The following SNX29 variants were observed in gnomAD, a reference collection of about 807,000 sequenced individuals.
SNX29 encodes the protein sorting nexin 29.
SNX29 carries 78 observed loss-of-function variants against 102.1 expected under a neutral mutation model. That is an observed-to-expected ratio of 0.76 (90% CI 0.64 to 0.92). The LOEUF is 0.92. Among genes scored for constraint, SNX29 ranks in the 40% least tolerant of loss-of-function variants. The pLI is 0.00. For synonymous variants in SNX29, 580 were observed against 414.5 expected (o/e 1.40, Z -4.85); for missense variants, 1,280 against 1,061.7 (o/e 1.21, Z -2.86).
intron 4 of SNX29, among the ~76,000 whole-genome samples, chr16:12,036,796 A>G (rs761184601): frequency 6.6e-5 from 10 of 152,206 alleles, no homozygotes; most frequent in Non-Finnish European, 1.0e-4. Flanking sequence ...GATGATTGTC[A>G]GATGACTGAA....
intron 20 of SNX29, among the ~76,000 whole-genome samples, chr16:12,534,960 T>C (rs1178559635): frequency 6.6e-6 from 1 of 152,180 alleles, no homozygotes; most frequent in East Asian, 1.9e-4. Context: ...ACAGCAGAGT[T>C]ATCTGACCTG....
intron 19 of SNX29, among the ~76,000 whole-genome samples, chr16:12,507,315 A>C (rs1304089726): frequency 6.6e-6 from 1 of 152,218 alleles, no homozygotes; most frequent in Non-Finnish European, 1.5e-5. Flanking sequence ...TAGTCAGAGA[A>C]GGAGAAGCTT....
chr16:12,485,697 G>A (rs567073125), intron 19 of SNX29, among the ~76,000 whole-genome samples: 15 of 152,290 alleles, frequency 9.8e-5, no homozygotes, highest in East Asian at 7.7e-4. Context: ...GGGTGCAGGG[G>A]CATTGAAGGC....
chr16:12,464,217 A>AT (rs1373421079), intron 18 of SNX29, among the ~76,000 whole-genome samples: 1 of 119,094 alleles, frequency 8.4e-6, no homozygotes, highest in Non-Finnish European at 1.7e-5. Context: ...ATGGCTGAAT[A>AT]TTATTCCATG....
At chr16:12,199,946 C>T (rs1287575742) in intron 14 of SNX29, among the ~76,000 whole-genome samples, 1 of 152,110 alleles carries the variant, frequency 6.6e-6, no homozygotes, top group Non-Finnish European at 1.5e-5. Flanking sequence ...ATTTTATGTC[C>T]AGAGTCTTGA....
At chr16:12,343,219 T>A (rs1036576410) in intron 15 of SNX29, among the ~76,000 whole-genome samples, 3 of 152,162 alleles carry the variant, frequency 2.0e-5, no homozygotes, top group South Asian at 2.1e-4. Context: ...AGAATTCACA[T>A]CTTTATGTGA....
intron 4 of SNX29, among the ~76,000 whole-genome samples, chr16:12,031,521 A>T (rs1596642615): frequency 6.6e-6 from 1 of 151,452 alleles, no homozygotes; most frequent in African/African-American, 2.4e-5. Flanking sequence ...TAAAAAAAAA[A>T]TATGGCCGGG....
At chr16:12,075,976 C>T (rs1010164793) in intron 10 of SNX29, among the ~76,000 whole-genome samples, 7 of 152,218 alleles carry the variant, frequency 4.6e-5, no homozygotes, top group East Asian at 1.9e-4. Context: ...GAGCCAGGTG[C>T]GGGATATAAT....
At chr16:12,431,547 T>C (rs143339801) in intron 18 of SNX29, among the ~76,000 whole-genome samples, 7 of 151,796 alleles carry the variant, frequency 4.6e-5, no homozygotes, top group Non-Finnish European at 1.0e-4. Flanking sequence ...TCAGCTCTGA[T>C]AGAACACATC....
chr16:12,524,582 A>T, intron 19 of SNX29, 120 bp from the exon 20 acceptor site: 1 of 1,128,804 alleles, frequency 8.9e-7, no homozygotes, highest in Non-Finnish European at 1.2e-6. Context: ...CATACGAGAT[A>T]GTTGCTCAAT....
chr16:12,019,076 T>C (rs540287247), intron 3 of SNX29, among the ~76,000 whole-genome samples: 1 of 152,216 alleles, frequency 6.6e-6, no homozygotes, highest in Admixed American at 6.5e-5. Context: ...TAAACCATAT[T>C]TCTTCATTCC....
chr16:12,555,700 C>T (rs893754889), intron 20 of SNX29, among the ~76,000 whole-genome samples: 26 of 152,040 alleles, frequency 1.7e-4, no homozygotes, highest in African/African-American at 9.7e-5. Context: ...CGATACTCTA[C>T]GAGATTCTCC....
chr16:12,329,268 C>G, intron 15 of SNX29, among the ~76,000 whole-genome samples: 1 of 83,044 alleles, frequency 1.2e-5, no homozygotes, highest in South Asian at 4.9e-4. Context: ...CATGGTGAGA[C>G]CTTGTCTCAA....
At chr16:12,550,896 A>C in intron 20 of SNX29, among the ~76,000 whole-genome samples, 1 of 152,330 alleles carries the variant, frequency 6.6e-6, no homozygotes, top group East Asian at 1.9e-4. Flanking sequence ...CGGGAGGGGA[A>C]GCTCAGAATT....
At chr16:12,309,198 T>G (rs1448697814) in intron 15 of SNX29, among the ~76,000 whole-genome samples, 1 of 152,198 alleles carries the variant, frequency 6.6e-6, no homozygotes, top group Non-Finnish European at 1.5e-5. Flanking sequence ...CAGGGTCTGT[T>G]TGAGTTGGGT....
chr16:12,099,320 T>C (rs901657667), intron 11 of SNX29, among the ~76,000 whole-genome samples: 1 of 152,172 alleles, frequency 6.6e-6, no homozygotes, highest in African/African-American at 2.4e-5. Flanking sequence ...TTCTCCCTGA[T>C]TCTTCTCGAA....
rs1166330493 is a variant in SNX29, at chr16:12,570,918, A to G, written c.*2289A>G. 1 of 218,396 alleles carries G rather than the reference A, an allele frequency of 4.6e-6. No individual in the cohort carries two copies. The allele number at this position is 218,396 out of a possible 1,614,324, so 13.5% of individuals were successfully genotyped here. A position where few individuals can be genotyped will look rare whatever the true frequency, so the allele number is the denominator to read the frequency against. On this transcript the variant is annotated 3_prime_UTR_variant, in exon 21 of 21. Transcript: ENST00000566228. ...CAAAAAACCTGGTCTGCTCTCCAAA[A>G]TGAGAGCATGTTCCTGGGAGCCACA...
At chr16:12,412,449 T>G (rs1567537539) in intron 18 of SNX29, among the ~76,000 whole-genome samples, 2 of 152,218 alleles carry the variant, frequency 1.3e-5, no homozygotes, top group East Asian at 3.9e-4. Context: ...GACCCATCAC[T>G]CATTGTCACA....
At chr16:12,525,767 T>G (rs1483417826) in intron 20 of SNX29, among the ~76,000 whole-genome samples, 2 of 140,248 alleles carry the variant, frequency 1.4e-5, no homozygotes, top group East Asian at 4.2e-4. Context: ...CGGATGCTGC[T>G]GTTTTCAAGA....
Sources: gnomAD v4.1 joint callset for allele counts (sites outside exome capture counted in the v4.1 genomes callset) on GRCh38, gnomAD v4.1.1 for gene constraint, MANE v1.5 for transcripts, NCBI Gene and HGNC (gene_info 2026-07-23, HGNC 2026-07-21) for gene names.